The following AKR1C8 variants were observed in gnomAD, a reference collection of about 807,000 sequenced individuals.
AKR1C8 encodes aldo-keto reductase family 1 member C-like protein 1.
At chr10:5,137,855 T>C in the AKR1C8 span, among the ~76,000 whole-genome samples, 1 of 151,966 alleles carries the variant, frequency 6.6e-6, no homozygotes, top group Non-Finnish European at 1.5e-5. Flanking sequence ...AAATTTTTAT[T>C]AAGGATTTCA....
the AKR1C8 span, chr10:5,162,103 A>G: frequency 2.6e-6 from 1 of 392,060 alleles, no homozygotes; most frequent in South Asian, 2.0e-5. Context: ...AGCTGGGACT[A>G]AACATATGTT....
the AKR1C8 span, among the ~76,000 whole-genome samples, chr10:5,133,523 C>G: frequency 6.6e-6 from 1 of 152,172 alleles, no homozygotes; most frequent in East Asian, 1.9e-4. Flanking sequence ...CTGACTTCCT[C>G]CAGCATCACA....
At chr10:5,124,916 A>G in the AKR1C8 span, among the ~76,000 whole-genome samples, 2 of 152,158 alleles carry the variant, frequency 1.3e-5, no homozygotes, top group South Asian at 4.1e-4. Context: ...GTTTATCTCC[A>G]AAAATGTTTA....
the AKR1C8 span, among the ~76,000 whole-genome samples, chr10:5,136,244 G>A: frequency 6.6e-6 from 1 of 152,058 alleles, no homozygotes; most frequent in Admixed American, 6.6e-5. Flanking sequence ...TCTTTGGAGG[G>A]CAAATTTGAA....
the AKR1C8 span, among the ~76,000 whole-genome samples, chr10:5,138,407 T>A: frequency 6.6e-6 from 1 of 152,134 alleles, no homozygotes; most frequent in Non-Finnish European, 1.5e-5. Context: ...AATATGGCTC[T>A]TTTTGCCTGA....
chr10:5,146,549 C>T, the AKR1C8 span, among the ~76,000 whole-genome samples: 2 of 152,092 alleles, frequency 1.3e-5, no homozygotes, highest in African/African-American at 2.4e-5. Context: ...ACAATATGAA[C>T]TGTTTTTGCA....
the AKR1C8 span, among the ~76,000 whole-genome samples, chr10:5,128,110 G>C: frequency 6.6e-6 from 1 of 152,138 alleles, no homozygotes; most frequent in Admixed American, 6.6e-5. Flanking sequence ...AACTAGGAGG[G>C]ATTGAGGTCC....
chr10:5,119,949 G>A, the AKR1C8 span, among the ~76,000 whole-genome samples: 9 of 152,146 alleles, frequency 5.9e-5, no homozygotes, highest in East Asian at 1.4e-3. Flanking sequence ...TTGGGAACAG[G>A]CCCCCAAATC....
chr10:5,141,756 T>C, the AKR1C8 span, among the ~76,000 whole-genome samples: 1 of 152,294 alleles, frequency 6.6e-6, no homozygotes, highest in Non-Finnish European at 1.5e-5. Context: ...CTTCTGCTTT[T>C]TATTTTAAAC....
At chr10:5,147,550 G>T in the AKR1C8 span, among the ~76,000 whole-genome samples, 1 of 151,722 alleles carries the variant, frequency 6.6e-6, no homozygotes, top group Admixed American at 6.6e-5. Context: ...AAAAAAAAAT[G>T]GTGTGGGTAA....
chr10:5,117,532 T>A, the AKR1C8 span, among the ~76,000 whole-genome samples: 2 of 152,150 alleles, frequency 1.3e-5, no homozygotes, highest in African/African-American at 4.8e-5. Context: ...GACATGCTGG[T>A]TCTAGGTGTG....
the AKR1C8 span, among the ~76,000 whole-genome samples, chr10:5,172,868 C>G: frequency 3.9e-5 from 6 of 151,976 alleles, no homozygotes. Context: ...GACAGACAAC[C>G]AGAAGAAGAT....
the AKR1C8 span, among the ~76,000 whole-genome samples, chr10:5,145,219 G>A: frequency 3.3e-5 from 5 of 152,188 alleles, no homozygotes; most frequent in African/African-American, 7.2e-5. Flanking sequence ...AGACTTAAAC[G>A]TTAGACCTAA....
the AKR1C8 span, chr10:5,157,652 T>C: frequency 6.4e-6 from 3 of 472,260 alleles, no homozygotes; most frequent in Non-Finnish European, 1.3e-5. Flanking sequence ...TTCTCTTTGA[T>C]TCTCTCCTGA....
chr10:5,153,874 G>A, the AKR1C8 span, among the ~76,000 whole-genome samples: 1 of 152,128 alleles, frequency 6.6e-6, no homozygotes, highest in Non-Finnish European at 1.5e-5. Flanking sequence ...AATCATGAAG[G>A]AAAATGCATC....
At chr10:5,162,181 T>C in the AKR1C8 span, among the ~76,000 whole-genome samples, 1 of 152,122 alleles carries the variant, frequency 6.6e-6, no homozygotes, top group Non-Finnish European at 1.5e-5. Context: ...GTAAGAAAAC[T>C]GTGAAGAAAA....
the AKR1C8 span, among the ~76,000 whole-genome samples, chr10:5,138,044 A>C: frequency 4.9e-3 from 741 of 151,916 alleles, 11 homozygotes; most frequent in African/African-American, 0.017. Context: ...AAAGGGCAAA[A>C]GCAGAACTAC....
the AKR1C8 span, among the ~76,000 whole-genome samples, chr10:5,182,849 G>T: frequency 2.6e-5 from 4 of 151,816 alleles, no homozygotes; most frequent in Non-Finnish European, 5.9e-5. Flanking sequence ...GGCGGAGGTT[G>T]TAGTGAGCCG....
the AKR1C8 span, among the ~76,000 whole-genome samples, chr10:5,157,121 T>C: frequency 6.6e-6 from 1 of 152,280 alleles, no homozygotes; most frequent in South Asian, 2.1e-4. Flanking sequence ...CCATTGTATT[T>C]AGGTTCTCAC....
Sources: gnomAD v4.1 joint callset for allele counts (sites outside exome capture counted in the v4.1 genomes callset) on GRCh38, gnomAD v4.1.1 for gene constraint, MANE v1.5 for transcripts, NCBI Gene and HGNC (gene_info 2026-07-23, HGNC 2026-07-21) for gene names.